Variants in ANKHD1 observed in about 807,000 individuals in gnomAD.
ANKHD1 encodes ankyrin repeat and KH domain-containing protein 1.
ANKHD1 carries 31 observed loss-of-function variants against 230.5 expected under a neutral mutation model. The ratio of observed to expected loss-of-function variants is 0.13; its 90% CI spans 0.10 to 0.18. ANKHD1 has a LOEUF of 0.18. ANKHD1 is among the 10% of genes least tolerant of loss of function. The pLI is 1.00. For synonymous variants in ANKHD1, 1,074 were observed against 1,117.6 expected (o/e 0.96, Z 0.78); for missense variants, 2,256 against 3,071.3 (o/e 0.73, Z 6.27).
Position 140,528,895 on chromosome 5 carries a change from T to G in ANKHD1, c.5949T>G (p.Cys1983Trp), listed in dbSNP as rs1448644604. The change falls in exon 29 of 34, where the codon TGT (cysteine) becomes TGG (tryptophan). Residue 1983 changes from cysteine to tryptophan, a missense_variant. Transcript: ENST00000360839. ...TGATTTCTTCTGTGACAAGCACTTGTAGTTCCCTGCCTTCTGTCTCCTCTG... is the reference window on the plus strand; with the variant it reads ...TGATTTCTTCTGTGACAAGCACTTGGAGTTCCCTGCCTTCTGTCTCCTCTG... ...ATVISSVTST[C>W]SSLPSVSSAP... The G allele has an allele frequency of 6.2e-7, 1 of 1,614,224 alleles. No homozygotes were observed.
chr5:140,518,318 T>C (rs1312354273), intron 24 of ANKHD1, among the ~76,000 whole-genome samples: 105 of 151,324 alleles, frequency 6.9e-4, no homozygotes, highest in African/African-American at 2.4e-3. Context: ...CCAAAAAGAG[T>C]CCAAGACCAG....
intron 10 of ANKHD1, among the ~76,000 whole-genome samples, chr5:140,471,227 A>T (rs1776474476): frequency 6.6e-6 from 1 of 152,068 alleles, no homozygotes; most frequent in Non-Finnish European, 1.5e-5. Context: ...TTCACTTTCC[A>T]GTCTTTTGTT....
chr5:140,411,563 A>G (rs1009492583), intron 1 of ANKHD1, among the ~76,000 whole-genome samples: 11 of 137,408 alleles, frequency 8.0e-5, no homozygotes, highest in African/African-American at 2.8e-4. Flanking sequence ...TCTGTTGCCC[A>G]GGCTGGAGTG....
intron 10 of ANKHD1, among the ~76,000 whole-genome samples, chr5:140,473,706 TG>T (rs1357410008): frequency 6.6e-6 from 1 of 152,238 alleles, no homozygotes; most frequent in Non-Finnish European, 1.5e-5. Flanking sequence ...CAAAATGTGA[TG>T]TGAACATGTG....
At chr5:140,446,200 TGAAGTTAAC>T (rs1774266183) in intron 6 of ANKHD1, among the ~76,000 whole-genome samples, 1 of 152,156 alleles carries the variant, frequency 6.6e-6, no homozygotes. Context: ...GGGTTAACTG[TGAAGTTAAC>T]CCAACTACTT....
chr5:140,489,912 G>C (rs1252956753), intron 14 of ANKHD1, among the ~76,000 whole-genome samples: 1 of 152,164 alleles, frequency 6.6e-6, no homozygotes, highest in East Asian at 1.9e-4. Context: ...TGTCATGTTA[G>C]TATAAATCAT....
At chr5:140,521,278 A>G (rs1456938573) in intron 24 of ANKHD1, among the ~76,000 whole-genome samples, 1 of 152,212 alleles carries the variant, frequency 6.6e-6, no homozygotes, top group East Asian at 1.9e-4. Flanking sequence ...GTCATTGAGG[A>G]GAAAAAAAGA....
Position 140,440,332 on chromosome 5 carries a change from C to T in ANKHD1, c.765+66C>T. 3 of 1,548,130 alleles carry T rather than the reference C, an allele frequency of 1.9e-6. No homozygotes were observed. The East Asian group carries it at 7.1e-5, about 36-fold the overall frequency. On this transcript the variant is annotated intron_variant, in intron 4 of 33. Coordinates refer to ENST00000360839, the MANE Select transcript of ANKHD1 (RefSeq NM_017747.3). The stretch of plus-strand genomic sequence containing the variant: ...GTTTTGATGTTTTATTTATTTTTGT[C>T]ACTTATAAGATAGATTATAATTAGA...
intron 29 of ANKHD1, among the ~76,000 whole-genome samples, chr5:140,534,882 C>G (rs946709206): frequency 1.3e-5 from 2 of 152,166 alleles, no homozygotes; most frequent in Non-Finnish European, 2.9e-5. Flanking sequence ...CAGTAGTAGG[C>G]TTTTCCTCTT....
intron 1 of ANKHD1, among the ~76,000 whole-genome samples, chr5:140,435,677 C>T (rs952348013): frequency 6.6e-6 from 1 of 151,838 alleles, no homozygotes; most frequent in Non-Finnish European, 1.5e-5. Flanking sequence ...CTGCGCCCAG[C>T]CCCTGCTTTT....
At chr5:140,515,190 AT>A (rs1347175976) in intron 24 of ANKHD1, among the ~76,000 whole-genome samples, 1 of 151,242 alleles carries the variant, frequency 6.6e-6, no homozygotes, top group Non-Finnish European at 1.5e-5. Context: ...AGGCAGGAGA[AT>A]TGTTTGAACC....
chr5:140,408,708 T>C (rs1055292669), intron 1 of ANKHD1, among the ~76,000 whole-genome samples: 9 of 152,162 alleles, frequency 5.9e-5, no homozygotes, highest in African/African-American at 9.7e-5. Flanking sequence ...TTTACCGTTA[T>C]GTGTTTTGAG....
intron 29 of ANKHD1, among the ~76,000 whole-genome samples, chr5:140,534,092 C>T (rs893800025): frequency 1.3e-5 from 2 of 152,070 alleles, no homozygotes; most frequent in African/African-American, 4.8e-5. Flanking sequence ...TTAGTGATTG[C>T]TTAGAAATGG....
At chr5:140,429,330 G>A (rs2126894489) in intron 1 of ANKHD1, among the ~76,000 whole-genome samples, 1 of 152,090 alleles carries the variant, frequency 6.6e-6, no homozygotes, top group Non-Finnish European at 1.5e-5. Flanking sequence ...CTGACCTTGT[G>A]ATCCACCCGC....
Position 140,485,155 on chromosome 5 carries a change from T to G in ANKHD1, c.1905T>G (p.Asp635Glu). Residue 635 changes from aspartate (D) to glutamate (E), a missense_variant, in exon 12 of 34, where the codon GAT (aspartate) becomes GAG (glutamate). Transcript: ENST00000360839. The surrounding 1 kb of genome is among the most constrained non-coding windows in gnomAD (Gnocchi z 4.8). ...ANVNRATANN[D>E]HTVVSLACAG... ...TTAACAGGGCTACAGCCAATAATGA[T>G]CATACAGTAGTGTCGCTGGCATGTG... 6.2e-7 allele frequency: 1 copy of G among 1,613,730 alleles called. No homozygotes were observed. Among genetic ancestry groups the G allele is most frequent in the Non-Finnish European group, 8.5e-7 (1 of 1,179,708 alleles).
chr5:140,539,114 T>C (rs1269826749), intron 33 of ANKHD1, 31 bp downstream of exon 33: 2 of 1,570,464 alleles, frequency 1.3e-6, no homozygotes, highest in Non-Finnish European at 1.7e-6. Context: ...TTTTGTTTTT[T>C]AGATTTGTCA....
At chr5:140,408,876 G>A (rs1019517258) in intron 1 of ANKHD1, among the ~76,000 whole-genome samples, 1 of 152,084 alleles carries the variant, frequency 6.6e-6, no homozygotes, top group African/African-American at 2.4e-5. Context: ...CTATAGGTGT[G>A]CACCACAATA....
chr5:140,513,404 G>A lies in ANKHD1; in HGVS notation c.4242G>A (p.Val1414=). ...KKCHQCVETI[V]KAKDQQAAEA... is the part of the protein sequence containing the mutation. ...GTCATCAATGTGTCGAAACCATTGT[G>A]AAGGCTAAAGACCAGCAAGCTGCAG... Residue 1414 remains valine, a synonymous_variant, in exon 24 of 34, where the codon GTG becomes GTA. Coordinates refer to ENST00000360839, the MANE Select transcript of ANKHD1 (RefSeq NM_017747.3). 1.2e-6 allele frequency: 2 copies of A among 1,613,128 alleles called. No individual in the cohort carries two copies. Among genetic ancestry groups the A allele is most frequent in the Non-Finnish European group, 1.7e-6 (2 of 1,179,580 alleles).
chr5:140,460,611 C>G (rs896009027), intron 9 of ANKHD1, among the ~76,000 whole-genome samples: 1 of 152,132 alleles, frequency 6.6e-6, no homozygotes, highest in Non-Finnish European at 1.5e-5. Context: ...ACCTCAACCT[C>G]CTGGGCTCAA....
Sources: gnomAD v4.1 joint callset for allele counts (sites outside exome capture counted in the v4.1 genomes callset) on GRCh38, gnomAD v4.1.1 for gene constraint, Gnocchi (gnomAD v3.1) non-coding constraint, MANE v1.5 for transcripts, NCBI Gene and HGNC (gene_info 2026-07-23, HGNC 2026-07-21) for gene names.